The following USP9X variants were observed in gnomAD, a reference collection of about 807,000 sequenced individuals.
The protein encoded by USP9X is ubiquitin carboxyl-terminal hydrolase 9X.
In USP9X, 7 loss-of-function variants were observed where a neutral mutation model predicts 190.3. That is an observed-to-expected ratio of 0.04 (90% CI 0.02 to 0.07). The LOEUF (loss-of-function observed/expected upper bound fraction) is 0.07, where lower values mean the gene tolerates loss of function less well. Ranked by LOEUF, USP9X falls within the 10% of genes least tolerant of loss-of-function variation. The pLI is 1.00. For synonymous variants in USP9X, 645 were observed against 659.5 expected (o/e 0.98, Z 0.34); for missense variants, 1,010 against 1,916.9 (o/e 0.53, Z 8.83).
Position 41,141,398 on chromosome X carries a change from G to A in USP9X, c.1128G>A (p.Glu376=). ...ATACTCATCGACATGGTAATCCTGAGGAGGAAGAGTGGCTCACAGCTGAAC... is the reference window on the plus strand; with the variant it reads ...ATACTCATCGACATGGTAATCCTGAAGAGGAAGAGTGGCTCACAGCTGAAC... The part of the protein sequence containing the change: ...SYYTHRHGNP[E]EEEWLTAERM... The change falls in exon 9 of 45, where the codon GAG becomes GAA. Residue 376 remains glutamate, a synonymous_variant. Transcript: ENST00000378308. The A allele has an allele frequency of 8.3e-7, 1 of 1,198,009 alleles. No individual in the cohort carries two copies. Among genetic ancestry groups the A allele is most frequent in the Non-Finnish European group, 1.1e-6 (1 of 889,848 alleles).
chrX:41,087,507 A>G (rs1210282193), intron 1 of USP9X, among the ~76,000 whole-genome samples: 15 of 112,374 alleles, frequency 1.3e-4, no homozygotes, highest in Non-Finnish European at 2.6e-4. Context: ...CAAATTCTTG[A>G]AGAATTATGT....
In USP9X at chrX:41,197,352, C is replaced by CCCCCCAA; in HGVS notation, c.4234-12_4234-11insCCCCCAA. On this transcript the variant is annotated splice_polypyrimidine_tract_variant and intron_variant, in intron 28 of 44. Coordinates refer to ENST00000378308, the MANE Select transcript of USP9X (RefSeq NM_001039591.3). The stretch of plus-strand genomic sequence containing the variant: ...TTCTTCCCCCCCCCACCCCACCCCC[C>CCCCCCAA]GCCTTTGGCAGGATGATGTTAAAAG... 5.1e-6 allele frequency: 5 copies of CCCCCCAA among 988,104 alleles called. No individual in the cohort carries two copies. Among genetic ancestry groups the CCCCCCAA allele is most frequent in the South Asian group, 3.4e-5 (1 of 29,419 alleles). The allele number at this position is 988,104 out of a possible 1,213,427, so 81.4% of individuals were successfully genotyped here. A position where few individuals can be genotyped will look rare whatever the true frequency, so the allele number is the denominator to read the frequency against.
At chrX:41,098,753 G>A (rs1382198670) in intron 1 of USP9X, among the ~76,000 whole-genome samples, 7 of 108,836 alleles carry the variant, frequency 6.4e-5, no homozygotes, top group East Asian at 2.9e-4. Context: ...ATGGGGTTTC[G>A]CCACATTGGC....
chrX:41,181,331 TGCA>T (rs1320490179), intron 21 of USP9X, among the ~76,000 whole-genome samples: 1 of 95,477 alleles, frequency 1.0e-5, no homozygotes, highest in Non-Finnish European at 2.1e-5. Flanking sequence ...CAGGCTAGAG[TGCA>T]GCAGCATGAT....
intron 31 of USP9X, among the ~76,000 whole-genome samples, chrX:41,201,583 C>T (rs2063042363): frequency 8.9e-6 from 1 of 111,746 alleles, no homozygotes; most frequent in Non-Finnish European, 1.9e-5. Flanking sequence ...CTTCTCCCAG[C>T]CAGCATGAAC....
At chrX:41,177,890 G>GGAAGCCCCA (rs1361200442) in intron 21 of USP9X, among the ~76,000 whole-genome samples, 1 of 108,988 alleles carries the variant, frequency 9.2e-6, no homozygotes, top group East Asian at 2.9e-4. Flanking sequence ...TATGGTCAGT[G>GGAAGCCCCA]GAAGCCCCTA....
chrX:41,114,721 T>A (rs2062134445), intron 1 of USP9X, among the ~76,000 whole-genome samples: 1 of 108,549 alleles, frequency 9.2e-6, no homozygotes, highest in Non-Finnish European at 1.9e-5. Flanking sequence ...TGACTTCAAG[T>A]GATCCGCCCG....
intron 14 of USP9X, among the ~76,000 whole-genome samples, chrX:41,161,736 G>A (rs1225957543): frequency 3.1e-5 from 3 of 97,846 alleles, no homozygotes; most frequent in Non-Finnish European, 6.1e-5. Context: ...TGAACTCCTG[G>A]GCTCAAACCA....
intron 21 of USP9X, among the ~76,000 whole-genome samples, chrX:41,182,208 C>CA (rs1485582419): frequency 2.7e-5 from 3 of 111,034 alleles, no homozygotes; most frequent in African/African-American, 3.3e-5. Context: ...TCTGTCTCTA[C>CA]AAAAAAATAT....
At chrX:41,208,499 G>A (rs761985816) in intron 32 of USP9X, among the ~76,000 whole-genome samples, 5 of 111,550 alleles carry the variant, frequency 4.5e-5, no homozygotes, top group African/African-American at 9.8e-5. Context: ...TGACACAAGC[G>A]GGTTAGTTAA....
At chrX:41,196,423 T>G (rs1453184668) in intron 27 of USP9X, 64 bp downstream of exon 27, 4 of 1,155,313 alleles carry the variant, frequency 3.5e-6, no homozygotes, top group South Asian at 3.8e-5. Flanking sequence ...CATTCAGAAA[T>G]TTGTGGTTTT....
At chrX:41,191,431 GT>G (rs1474641923) in intron 26 of USP9X, among the ~76,000 whole-genome samples, 1 of 111,124 alleles carries the variant, frequency 9.0e-6, no homozygotes, top group Non-Finnish European at 1.9e-5. Flanking sequence ...CTCAGATGGA[GT>G]TTATAATCCT....
chrX:41,169,195 G>T (rs1290503161), intron 18 of USP9X, among the ~76,000 whole-genome samples: 3 of 108,670 alleles, frequency 2.8e-5, no homozygotes, highest in African/African-American at 1.0e-4. Context: ...GGCTGGTCTT[G>T]AACTCCTGGG....
chrX:41,181,435 C>CTTT (rs200403625), intron 21 of USP9X, among the ~76,000 whole-genome samples: 2,882 of 38,346 alleles, frequency 0.075, 963 homozygotes, highest in Non-Finnish European at 0.12. Context: ...CCACACCTGA[C>CTTT]TTTTTTTTTT....
chrX:41,143,051 A>G (rs2062436360), intron 9 of USP9X, among the ~76,000 whole-genome samples: 1 of 111,668 alleles, frequency 9.0e-6, no homozygotes, highest in Admixed American at 9.6e-5. Context: ...TTTTCTGAGT[A>G]AATGCTGGAG....
At chrX:41,198,412 G>T in intron 29 of USP9X, 116 bp from the exon 30 acceptor site, 4 of 379,580 alleles carry the variant, frequency 1.1e-5, no homozygotes, top group South Asian at 6.3e-5. Flanking sequence ...TTTCTGAGAT[G>T]TAATGAGATC....
At chrX:41,165,505 C>T (rs781574837) in intron 15 of USP9X, among the ~76,000 whole-genome samples, 36 of 112,196 alleles carry the variant, frequency 3.2e-4, no homozygotes, top group South Asian at 7.3e-4. Flanking sequence ...GCATTACAGG[C>T]GTGAGTTACT....
chrX:41,166,308 C>T, intron 16 of USP9X, 94 bp downstream of exon 16: 1 of 668,201 alleles, frequency 1.5e-6, no homozygotes. Flanking sequence ...GTGTATTTTA[C>T]TCTGATGTTT....
intron 1 of USP9X, among the ~76,000 whole-genome samples, chrX:41,103,900 T>G (rs781201247): frequency 7.2e-5 from 8 of 111,659 alleles, no homozygotes; most frequent in Non-Finnish European, 1.3e-4. Context: ...AAAAGGGTCG[T>G]TCATTTGTTC....
Sources: gnomAD v4.1 joint callset for allele counts (sites outside exome capture counted in the v4.1 genomes callset) on GRCh38, gnomAD v4.1.1 for gene constraint, MANE v1.5 for transcripts, NCBI Gene and HGNC (gene_info 2026-07-23, HGNC 2026-07-21) for gene names.